Variants in EVL observed in about 807,000 individuals in gnomAD.
EVL encodes the protein Enah/Vasp-like, also known as ena/VASP-like protein.
EVL carries 21 observed loss-of-function variants against 59.6 expected under a neutral mutation model. That is an observed-to-expected ratio of 0.35 (90% CI 0.25 to 0.51). The LOEUF (loss-of-function observed/expected upper bound fraction) is 0.51. Among genes scored for constraint, EVL ranks in the 20% least tolerant of loss-of-function variants. The pLI, the probability that EVL is intolerant of heterozygous loss-of-function variation, is 0.97. For synonymous variants in EVL, 198 were observed against 203.5 expected (o/e 0.97, Z 0.23); for missense variants, 462 against 546.6 (o/e 0.85, Z 1.54).
chr14:100,094,095 A>G (rs971524912), intron 2 of EVL, among the ~76,000 whole-genome samples: 6 of 152,188 alleles, frequency 3.9e-5, no homozygotes, highest in African/African-American at 1.4e-4. Flanking sequence ...CCAATTCTGC[A>G]TGGATAAGCG....
chr14:99,988,992 G>A (rs1031182811), intron 1 of EVL, among the ~76,000 whole-genome samples: 3 of 152,128 alleles, frequency 2.0e-5, no homozygotes, highest in Non-Finnish European at 4.4e-5. Context: ...TCCCAGTATC[G>A]CAAGATTGGA....
chr14:100,018,982 A>G (rs1485127891), intron 1 of EVL, among the ~76,000 whole-genome samples: 1 of 152,212 alleles, frequency 6.6e-6, no homozygotes, highest in Non-Finnish European at 1.5e-5. Flanking sequence ...TAAATGAATA[A>G]TCAAATAAAT....
intron 1 of EVL, among the ~76,000 whole-genome samples, chr14:100,020,780 G>A (rs117583514): frequency 0.021 from 3,268 of 152,288 alleles, 60 homozygotes; most frequent in Admixed American, 0.054. Flanking sequence ...CGTAAAGGTC[G>A]TCCCCTGCCC....
intron 7 of EVL, among the ~76,000 whole-genome samples, chr14:100,132,249 G>A (rs1888482788): frequency 6.7e-6 from 1 of 149,676 alleles, no homozygotes; most frequent in South Asian, 2.2e-4. Flanking sequence ...TCTAGATTGG[G>A]GAGGGCGTGG....
intron 1 of EVL, among the ~76,000 whole-genome samples, chr14:99,999,621 C>A (rs947546361): frequency 3.9e-5 from 6 of 152,184 alleles, no homozygotes; most frequent in Admixed American, 1.3e-4. Flanking sequence ...AACACAAGAC[C>A]CTGTCTCTAA....
Position 100,102,128 on chromosome 14 carries a change from T to C in EVL, c.358+4470T>C, listed in dbSNP as rs149445748. ...GCTGGGATTAAGGTGTAAGTCACCATGCCCGGTCTGACTTGCATTTTTCCT... is the reference window on the plus strand; with the variant it reads ...GCTGGGATTAAGGTGTAAGTCACCACGCCCGGTCTGACTTGCATTTTTCCT... On this transcript the variant is annotated intron_variant, in intron 3 of 13. Transcript: ENST00000392920. Among the ~76,000 whole-genome samples, 21 of 152,366 alleles carry C rather than the reference T, an allele frequency of 1.4e-4. 2 individuals are homozygous for C. The highest frequency in any genetic ancestry group is 4.8e-4 in the African/African-American group (20 of 41,588).
At chr14:100,142,475 C>G (rs1889241406) in intron 13 of EVL, among the ~76,000 whole-genome samples, 1 of 152,260 alleles carries the variant, frequency 6.6e-6, no homozygotes, top group South Asian at 2.1e-4. Context: ...CTATGCAGCA[C>G]AGCCAGTGCC....
rs1440022424 is a variant in EVL at position 100,127,062 on chromosome 14, A to G, written c.487+291A>G. Among the ~76,000 whole-genome samples the G allele has an allele frequency of 2.6e-5, 4 of 152,226 alleles. No individual in the cohort carries two copies. Among genetic ancestry groups the G allele is most frequent in the Non-Finnish European group, 2.9e-5 (2 of 68,034 alleles). On this transcript the variant is annotated intron_variant, in intron 5 of 13. Transcript: ENST00000392920. The surrounding 1 kb of genome is among the most constrained non-coding windows in gnomAD (Gnocchi z 4.2). ...CGTGCTAAGGGCTGGGGACACAACT[A>G]TGACTGCAGATGCAGTTCCTGCCCT...
chr14:100,067,717 C>G (rs2061961920), intron 1 of EVL, among the ~76,000 whole-genome samples: 1 of 152,210 alleles, frequency 6.6e-6, no homozygotes, highest in South Asian at 2.1e-4. Flanking sequence ...ACCACAGATG[C>G]TTTGCCCTTT....
chr14:100,123,431 TG>T, intron 3 of EVL, 107 bp from the exon 4 acceptor site: 1 of 1,040,152 alleles, frequency 9.6e-7, no homozygotes, highest in South Asian at 1.4e-5. Context: ...TTCTTAAGGA[TG>T]TCTCTTCTGC....
At chr14:100,137,827 ATGTCCCCCAGGGTTTGGGGCTCCTC>A in intron 11 of EVL, 25 bp downstream of exon 11, 1 of 1,612,462 alleles carries the variant, frequency 6.2e-7, no homozygotes, top group Non-Finnish European at 8.5e-7. Context: ...TCCTGCTCAC[ATGTCCCCCAGGGTTTGGGGCTCCTC>A]TGTCCCCCGT....
At position 100,134,231 on chromosome 14, in the gene EVL, T is replaced by C. The variant is rs561492087; in HGVS notation, c.900+1452T>C. The stretch of plus-strand genomic sequence containing the variant: ...GGGATAATCACAGACATCAAAATAC[T>C]GTGGCCTCGCTCCAGCCACAGCCCT... On this transcript the variant is annotated intron_variant, in intron 8 of 13. Coordinates refer to ENST00000392920, the MANE Select transcript of EVL (RefSeq NM_016337.3). Among the ~76,000 whole-genome samples, 8 of 152,354 alleles carry C rather than the reference T, an allele frequency of 5.3e-5. No individual in the cohort carries two copies. The East Asian group carries it at 5.8e-4, about 11-fold the overall frequency.
intron 3 of EVL, chr14:100,107,023 CTGAGCAAGTCACCTCCTCCA>C: frequency 2.5e-6 from 1 of 398,744 alleles, no homozygotes; most frequent in Non-Finnish European, 4.4e-6. Flanking sequence ...CTGTGTGACC[CTGAGCAAGTCACCTCCTCCA>C]TCAGCAGGTG....
intron 1 of EVL, among the ~76,000 whole-genome samples, chr14:100,020,872 G>A (rs1030820520): frequency 5.3e-5 from 8 of 152,194 alleles, no homozygotes; most frequent in Non-Finnish European, 8.8e-5. Context: ...TAATGGCCTG[G>A]GTTTGCGACA....
At chr14:100,100,559 G>A (rs61984519) in intron 3 of EVL, among the ~76,000 whole-genome samples, 4,449 of 152,170 alleles carry the variant, frequency 0.029, 105 homozygotes, top group Non-Finnish European at 0.045. Context: ...CTGCACTTAA[G>A]AATAGATACG....
At chr14:99,973,493 C>T (rs1450291976) in intron 1 of EVL, among the ~76,000 whole-genome samples, 6 of 152,184 alleles carry the variant, frequency 3.9e-5, no homozygotes, top group African/African-American at 9.6e-5. Context: ...GACGGAGTCT[C>T]GCTCTGTTGC....
At position 100,109,353 on chromosome 14, in the gene EVL, G is replaced by A; in HGVS notation, c.358+11695G>A. On this transcript the variant is annotated intron_variant, in intron 3 of 13. Coordinates refer to ENST00000392920, the MANE Select transcript of EVL (RefSeq NM_016337.3). The surrounding 1 kb of genome is among the most constrained non-coding windows in gnomAD (Gnocchi z 4.3). Reference sequence around the variant, plus strand: ...GCCCTGCTGTTGTGAAGCCTTCCCAGTGCCCCAGAAGACCTCAGGCACCCC... The same window carrying A: ...GCCCTGCTGTTGTGAAGCCTTCCCAATGCCCCAGAAGACCTCAGGCACCCC... The A allele has an allele frequency of 2.8e-6, 1 of 355,856 alleles. No homozygotes were observed. Among genetic ancestry groups the A allele is most frequent in the Admixed American group, 3.8e-5 (1 of 26,044 alleles). 22.0% of individuals were successfully genotyped at this position (355,856 alleles called of 1,614,324 possible). A position where few individuals can be genotyped will look rare whatever the true frequency, so the allele number is the denominator to read the frequency against.
At position 100,130,435 on chromosome 14, in the gene EVL, C is replaced by G. The variant is rs1888360420; in HGVS notation, c.839+751C>G. Among the ~76,000 whole-genome samples the G allele has an allele frequency of 6.6e-6, 1 of 152,190 alleles. No homozygotes were observed. The highest frequency in any genetic ancestry group is 1.5e-5 in the Non-Finnish European group (1 of 68,030). On this transcript the variant is annotated intron_variant, in intron 7 of 13. Transcript: ENST00000392920. This position sits in a 1 kb window ranked among gnomAD's most constrained non-coding sequence, Gnocchi z 4.8. ...ACCAATATCGTGGCTCACTTAGGCACCAGAGGGCACGGGAGTAGGCCTCAC... is the reference window on the plus strand; with the variant it reads ...ACCAATATCGTGGCTCACTTAGGCAGCAGAGGGCACGGGAGTAGGCCTCAC...
chr14:100,044,450 A>G (rs986820263), intron 1 of EVL, among the ~76,000 whole-genome samples: 4 of 152,228 alleles, frequency 2.6e-5, no homozygotes, highest in African/African-American at 4.8e-5. Flanking sequence ...ACATATTAAA[A>G]CTGGCAAGAA....
Sources: gnomAD v4.1 joint callset for allele counts (sites outside exome capture counted in the v4.1 genomes callset) on GRCh38, gnomAD v4.1.1 for gene constraint, Gnocchi (gnomAD v3.1) non-coding constraint, MANE v1.5 for transcripts, NCBI Gene and HGNC (gene_info 2026-07-23, HGNC 2026-07-21) for gene names.